The following ZBTB20 variants were observed in gnomAD, a reference collection of about 807,000 sequenced individuals.
ZBTB20 encodes the protein zinc finger and BTB domain-containing protein 20.
ZBTB20 carries 9 observed loss-of-function variants against 56.9 expected under a neutral mutation model. The observed-to-expected ratio is 0.16, with a 90% confidence interval of 0.10 to 0.28. ZBTB20 has a LOEUF of 0.28. ZBTB20 is among the 10% of genes least tolerant of loss of function. The pLI, the probability that ZBTB20 is intolerant of heterozygous loss-of-function variation, is 1.00. For synonymous variants in ZBTB20, 417 were observed against 420.7 expected (o/e 0.99, Z 0.11); for missense variants, 655 against 1,003.0 (o/e 0.65, Z 4.69).
At chr3:114,359,461 G>A (rs1460342388) in intron 10 of ZBTB20, 5 of 152,180 alleles carry the variant, frequency 3.3e-5, no homozygotes, top group Admixed American at 2.6e-4. Flanking sequence ...ATGAAATGAG[G>A]GGGAGAAGAC....
intron 7 of ZBTB20, among the ~76,000 whole-genome samples, chr3:114,423,513 C>T (rs1201685223): frequency 6.6e-6 from 1 of 152,156 alleles, no homozygotes; most frequent in Admixed American, 6.5e-5. Context: ...GCCAAAGAAC[C>T]TTCCTTCCTT....
At chr3:114,646,092 A>G (rs200704124) in intron 6 of ZBTB20, among the ~76,000 whole-genome samples, 1 of 108,304 alleles carries the variant, frequency 9.2e-6, no homozygotes, top group African/African-American at 6.2e-5. Flanking sequence ...ATAGAGCATA[A>G]ACATTTTAGA....
At chr3:114,581,469 T>G (rs1390281489) in intron 6 of ZBTB20, among the ~76,000 whole-genome samples, 1 of 151,994 alleles carries the variant, frequency 6.6e-6, no homozygotes, top group Non-Finnish European at 1.5e-5. Context: ...AAGCCACAGT[T>G]AAAAGGGCAC....
At chr3:114,853,179 G>GT (rs1160252989) in intron 4 of ZBTB20, among the ~76,000 whole-genome samples, 2 of 152,116 alleles carry the variant, frequency 1.3e-5, no homozygotes, top group African/African-American at 4.8e-5. Flanking sequence ...CACCTCCTCT[G>GT]TTATCATCTG....
intron 3 of ZBTB20, among the ~76,000 whole-genome samples, chr3:114,940,587 C>A (rs2076692672): frequency 6.8e-6 from 1 of 146,212 alleles, no homozygotes; most frequent in Non-Finnish European, 1.5e-5. Flanking sequence ...TCTTATTCAG[C>A]TTATGCATAT....
At chr3:114,510,198 T>C (rs2045180609) in intron 6 of ZBTB20, among the ~76,000 whole-genome samples, 1 of 152,156 alleles carries the variant, frequency 6.6e-6, no homozygotes, top group South Asian at 2.1e-4. Context: ...TTTTTAAAAG[T>C]ACCAGATTTG....
At chr3:114,461,119 G>C (rs1050549378) in intron 7 of ZBTB20, among the ~76,000 whole-genome samples, 3 of 152,144 alleles carry the variant, frequency 2.0e-5, no homozygotes, top group Admixed American at 1.3e-4. Flanking sequence ...GTTCTAGTTA[G>C]AAGCAAAGAG....
At chr3:114,637,808 T>C (rs1442263692) in intron 6 of ZBTB20, among the ~76,000 whole-genome samples, 3 of 152,148 alleles carry the variant, frequency 2.0e-5, no homozygotes, top group African/African-American at 7.2e-5. Context: ...GCTTTTATTC[T>C]TTCTATAATT....
At chr3:115,060,269 C>T (rs2081968370) in intron 2 of ZBTB20, among the ~76,000 whole-genome samples, 1 of 152,050 alleles carries the variant, frequency 6.6e-6, no homozygotes, top group Admixed American at 6.6e-5. Context: ...ATTATCATGT[C>T]CATGTAGAAA....
chr3:114,712,403 C>G (rs2064144513), intron 5 of ZBTB20, among the ~76,000 whole-genome samples: 2 of 152,022 alleles, frequency 1.3e-5, no homozygotes, highest in South Asian at 4.2e-4. Flanking sequence ...GTAATCCCAG[C>G]ACTTTGGGAG....
intron 6 of ZBTB20, among the ~76,000 whole-genome samples, chr3:114,637,427 T>A (rs539246953): frequency 3.3e-4 from 50 of 152,232 alleles, no homozygotes; most frequent in African/African-American, 1.2e-3. Context: ...ACAGATCAAA[T>A]TCAAATTATT....
At chr3:114,466,314 C>T (rs1019692890) in intron 7 of ZBTB20, among the ~76,000 whole-genome samples, 1 of 152,134 alleles carries the variant, frequency 6.6e-6, no homozygotes, top group African/African-American at 2.4e-5. Flanking sequence ...AGGTAGGCAT[C>T]ATTATTATTA....
chr3:115,037,966 A>G (rs897954310), intron 2 of ZBTB20, among the ~76,000 whole-genome samples: 3 of 152,262 alleles, frequency 2.0e-5, no homozygotes, highest in Non-Finnish European at 4.4e-5. Context: ...AATGAGGTCT[A>G]AAACATGATT....
At chr3:114,918,504 C>T (rs1037714183) in intron 3 of ZBTB20, among the ~76,000 whole-genome samples, 4 of 152,136 alleles carry the variant, frequency 2.6e-5, no homozygotes, top group Non-Finnish European at 5.9e-5. Context: ...CAGAGTCTCA[C>T]TCAATGCCCA....
chr3:114,424,072 T>C (rs2089434330), intron 7 of ZBTB20, among the ~76,000 whole-genome samples: 3 of 152,230 alleles, frequency 2.0e-5, no homozygotes, highest in African/African-American at 4.8e-5. Flanking sequence ...CTTTTGAAAA[T>C]GCCACTTACT....
chr3:114,595,102 T>C (rs2056196143), intron 6 of ZBTB20, among the ~76,000 whole-genome samples: 1 of 152,236 alleles, frequency 6.6e-6, no homozygotes, highest in Non-Finnish European at 1.5e-5. Flanking sequence ...TATTACCAGA[T>C]GATTTCTAGT....
intron 7 of ZBTB20, among the ~76,000 whole-genome samples, chr3:114,451,284 T>C (rs1180713192): frequency 6.6e-6 from 1 of 152,086 alleles, no homozygotes; most frequent in African/African-American, 2.4e-5. Context: ...AAGTTGCTTC[T>C]ACTTTTATTT....
In ZBTB20 at chr3:114,587,660, T is replaced by C. The variant is rs544951052; in HGVS notation, c.-294-87269A>G. 4.6e-5 allele frequency among the ~76,000 whole-genome samples: 7 copies of C among 152,340 alleles called. No individual in the cohort carries two copies. In the South Asian group the frequency reaches 8.3e-4, roughly 18 times the overall value. Reference sequence around the variant, plus strand: ...AGTTAAGTACTTCACACCATAAATATGTAAGCTGCAGAGATTTGAAACCAG... The same window carrying C: ...AGTTAAGTACTTCACACCATAAATACGTAAGCTGCAGAGATTTGAAACCAG... On this transcript the variant is annotated intron_variant, in intron 6 of 11. Coordinates refer to ENST00000675478, the MANE Select transcript of ZBTB20 (RefSeq NM_001348800.3).
chr3:114,434,620 A>G (rs2090386783), intron 7 of ZBTB20, among the ~76,000 whole-genome samples: 2 of 150,900 alleles, frequency 1.3e-5, no homozygotes, highest in Admixed American at 6.6e-5. Flanking sequence ...GTGCTTTTGT[A>G]AAGGATTCAA....
Sources: allele counts gnomAD v4.1 joint callset (sites outside exome capture counted in the v4.1 genomes callset), GRCh38; gene constraint gnomAD v4.1.1; transcripts MANE v1.5; gene names NCBI Gene and HGNC (gene_info 2026-07-23, HGNC 2026-07-21).